The following LHFPL3 variants were observed in gnomAD, a reference collection of about 807,000 sequenced individuals.
LHFPL3 encodes LHFPL tetraspan subfamily member 3 protein.
In LHFPL3, 5 loss-of-function variants were observed where a neutral mutation model predicts 19.3. The observed-to-expected ratio is 0.26, with a 90% CI of 0.14 to 0.54. The LOEUF (loss-of-function observed/expected upper bound fraction) is 0.54, where lower values mean the gene tolerates loss of function less well. Ranked by LOEUF, LHFPL3 falls within the 20% of genes least tolerant of loss-of-function variation. The probability of loss-of-function intolerance (pLI) is 0.94; values close to 1 mark genes in which losing one functional copy is unlikely to be tolerated. For synonymous variants in LHFPL3, 133 were observed against 126.2 expected (o/e 1.05, Z -0.36); for missense variants, 249 against 307.4 (o/e 0.81, Z 1.42).
chr7:104,386,855 C>G (rs1158965489), intron 1 of LHFPL3, among the ~76,000 whole-genome samples: 1 of 152,058 alleles, frequency 6.6e-6, no homozygotes, highest in East Asian at 1.9e-4. Context: ...CAAAAGAGCA[C>G]CAACTAAAAA....
At chr7:104,459,574 C>T (rs1360947922) in intron 1 of LHFPL3, among the ~76,000 whole-genome samples, 1 of 152,188 alleles carries the variant, frequency 6.6e-6, no homozygotes, top group Non-Finnish European at 1.5e-5. Flanking sequence ...ACCTAAGTGT[C>T]TTTCTGTCTA....
intron 1 of LHFPL3, among the ~76,000 whole-genome samples, chr7:104,666,709 G>A (rs11487080): frequency 0.017 from 2,593 of 150,376 alleles, 79 homozygotes; most frequent in African/African-American, 0.06. Flanking sequence ...TTTTAGTACA[G>A]ACGGGGTTTC....
intron 1 of LHFPL3, among the ~76,000 whole-genome samples, chr7:104,612,319 A>AT (rs1261388164): frequency 6.6e-6 from 1 of 152,140 alleles, no homozygotes; most frequent in Non-Finnish European, 1.5e-5. Context: ...TATTTTGAGG[A>AT]TTGAATAAAA....
At chr7:104,716,053 G>A (rs961738245) in intron 1 of LHFPL3, among the ~76,000 whole-genome samples, 2 of 152,144 alleles carry the variant, frequency 1.3e-5, no homozygotes, top group African/African-American at 4.8e-5. Context: ...GAAATAAACA[G>A]CCATCCAAAT....
At chr7:104,653,405 G>C (rs1312079063) in intron 1 of LHFPL3, among the ~76,000 whole-genome samples, 3 of 152,168 alleles carry the variant, frequency 2.0e-5, no homozygotes, top group Non-Finnish European at 4.4e-5. Context: ...ACCCAGAGTG[G>C]AACAGCGAGG....
chr7:104,421,215 C>G (rs1386682138), intron 1 of LHFPL3, among the ~76,000 whole-genome samples: 1 of 152,092 alleles, frequency 6.6e-6, no homozygotes, highest in African/African-American at 2.4e-5. Flanking sequence ...AGGAAAAATG[C>G]TTGAAAAGTT....
rs76557243 is a variant in LHFPL3, at chr7:104,836,279, G to A, written c.683-69908G>A. ...CCAATCCTTTAGGCTGTATATGTCA[G>A]GGAAAGGAGCTTGGATTTTACTCTA... On this transcript the variant is annotated intron_variant, in intron 2 of 2. Coordinates refer to ENST00000424859, the MANE Select transcript of LHFPL3 (RefSeq NM_199000.3). Among the ~76,000 whole-genome samples the A allele has an allele frequency of 3.8e-4, 58 of 152,306 alleles. 1 individual carries two copies. The East Asian group carries it at 0.011, about 28-fold the overall frequency.
chr7:104,488,766 A>G (rs1584354546), intron 1 of LHFPL3, among the ~76,000 whole-genome samples: 2 of 152,234 alleles, frequency 1.3e-5, no homozygotes, highest in South Asian at 4.1e-4. Flanking sequence ...CACAGCCACA[A>G]GGACGCAGCA....
At chr7:104,685,427 C>A (rs1277139076) in intron 1 of LHFPL3, among the ~76,000 whole-genome samples, 4 of 152,094 alleles carry the variant, frequency 2.6e-5, no homozygotes, top group African/African-American at 4.8e-5. Context: ...GAAGCCTAGC[C>A]CAGTGTGTGT....
rs76546171 is a variant in LHFPL3 at position 104,466,091 on chromosome 7, A to G, written c.445+136867A>G. Among the ~76,000 whole-genome samples the G allele has an allele frequency of 7.7e-3, 1,168 of 152,280 alleles. 54 individuals carry two copies. In the East Asian group the frequency reaches 0.13, roughly 17 times the overall value. On this transcript the variant is annotated intron_variant, in intron 1 of 2. Coordinates refer to ENST00000424859, the MANE Select transcript of LHFPL3 (RefSeq NM_199000.3). The stretch of plus-strand genomic sequence containing the variant: ...GAGGTCTATCAGATCCATTTGTCCA[A>G]TGTTAAGTTCAGGTCCTGAATATCT...
chr7:104,686,741 T>G (rs931590896), intron 1 of LHFPL3, among the ~76,000 whole-genome samples: 1 of 152,214 alleles, frequency 6.6e-6, no homozygotes, highest in African/African-American at 2.4e-5. Flanking sequence ...ATTTTCACGC[T>G]GCTATGAAGA....
intron 1 of LHFPL3, among the ~76,000 whole-genome samples, chr7:104,445,231 C>G (rs1296472090): frequency 1.3e-5 from 2 of 152,084 alleles, no homozygotes; most frequent in African/African-American, 4.8e-5. Flanking sequence ...ACAGATTGGT[C>G]TTTTATGAAA....
intron 1 of LHFPL3, among the ~76,000 whole-genome samples, chr7:104,520,027 T>G (rs549800229): frequency 6.6e-6 from 1 of 151,574 alleles, no homozygotes; most frequent in Non-Finnish European, 1.5e-5. Flanking sequence ...CTTGTGCCGG[T>G]TTTCAAAGGG....
chr7:104,382,514 C>G (rs554538597), intron 1 of LHFPL3, among the ~76,000 whole-genome samples: 3 of 152,082 alleles, frequency 2.0e-5, no homozygotes, highest in Non-Finnish European at 4.4e-5. Context: ...ATTGGACTCA[C>G]CTGGGGAGGC....
intron 1 of LHFPL3, among the ~76,000 whole-genome samples, chr7:104,391,422 C>T (rs1397504322): frequency 1.3e-5 from 2 of 152,172 alleles, no homozygotes; most frequent in African/African-American, 2.4e-5. Flanking sequence ...GTTTTCCCAG[C>T]ACCATTTATT....
chr7:104,748,262 G>A (rs975218509), intron 2 of LHFPL3, among the ~76,000 whole-genome samples: 2 of 151,902 alleles, frequency 1.3e-5, no homozygotes, highest in African/African-American at 4.8e-5. Context: ...ATTGTCCAAG[G>A]TTTCTCCCCA....
At chr7:104,341,851 T>C (rs1023444020) in intron 1 of LHFPL3, among the ~76,000 whole-genome samples, 8 of 152,058 alleles carry the variant, frequency 5.3e-5, no homozygotes, top group African/African-American at 1.9e-4. Context: ...TAGGATGATA[T>C]TCTAGAGGAC....
chr7:104,763,781 G>A, intron 2 of LHFPL3, among the ~76,000 whole-genome samples: 1 of 152,194 alleles, frequency 6.6e-6, no homozygotes, highest in East Asian at 1.9e-4. Context: ...GGGTTGTTTG[G>A]TTGTTTGGGA....
intron 1 of LHFPL3, among the ~76,000 whole-genome samples, chr7:104,629,785 T>C (rs1435002839): frequency 6.6e-6 from 1 of 152,216 alleles, no homozygotes; most frequent in Non-Finnish European, 1.5e-5. Flanking sequence ...CTGTAACCTT[T>C]AGCTGACTCT....
Sources: allele counts gnomAD v4.1 joint callset (sites outside exome capture counted in the v4.1 genomes callset), GRCh38; gene constraint gnomAD v4.1.1; transcripts MANE v1.5; gene names NCBI Gene and HGNC (gene_info 2026-07-23, HGNC 2026-07-21).